Variants in TET1 observed in about 807,000 individuals in gnomAD.
TET1 encodes tet methylcytosine dioxygenase 1.
A neutral mutation model predicts 148.7 loss-of-function variants in TET1; 13 were observed. The observed-to-expected ratio is 0.09, with a 90% confidence interval of 0.06 to 0.14. The LOEUF is 0.14. Among genes scored for constraint, TET1 ranks in the 10% least tolerant of loss-of-function variants. TET1 has a pLI of 1.00. For missense variants in TET1, 2,182 were observed against 2,553.8 expected (o/e 0.85, Z 3.14); for synonymous variants, 907 against 937.2 (o/e 0.97, Z 0.59).
intron 2 of TET1, among the ~76,000 whole-genome samples, chr10:68,575,108 G>C (rs887828866): frequency 6.6e-6 from 1 of 152,230 alleles, no homozygotes; most frequent in Non-Finnish European, 1.5e-5. Context: ...TGTAGGCCTG[G>C]TGTGGTGGCT....
intron 3 of TET1, among the ~76,000 whole-genome samples, chr10:68,620,393 A>G (rs2054353232): frequency 6.6e-6 from 1 of 152,178 alleles, no homozygotes; most frequent in Non-Finnish European, 1.5e-5. Context: ...TATTCCAGAC[A>G]TTTCAAACAA....
rs369129716 is a variant in TET1 at position 68,609,099 on chromosome 10, G to A, written c.1968+8065G>A. Among the ~76,000 whole-genome samples the A allele has an allele frequency of 4.0e-4, 61 of 152,136 alleles. 1 individual carries two copies. In the East Asian group the frequency reaches 7.4e-3, roughly 18 times the overall value. Reference sequence around the variant, plus strand: ...TGCAGCCAAAACCTACTGGGCTCACGTGATCTTCCCACCTCAGTCTCCTGA... The same window carrying A: ...TGCAGCCAAAACCTACTGGGCTCACATGATCTTCCCACCTCAGTCTCCTGA... On this transcript the variant is annotated intron_variant, in intron 3 of 11. Coordinates refer to ENST00000373644, the MANE Select transcript of TET1 (RefSeq NM_030625.3).
intron 10 of TET1, among the ~76,000 whole-genome samples, chr10:68,683,387 TC>T (rs2055463557): frequency 2.6e-5 from 4 of 152,360 alleles, no homozygotes; most frequent in Admixed American, 2.6e-4. Flanking sequence ...CACGCCATTC[TC>T]CTGCCTTAGC....
intron 3 of TET1, chr10:68,632,848 A>G (rs1477983526): frequency 5.0e-6 from 4 of 793,114 alleles, no homozygotes; most frequent in Non-Finnish European, 7.9e-6. Flanking sequence ...AAAAAAAAAA[A>G]AAAAGAAAGA....
In TET1 at chr10:68,574,241, G is replaced by T. The variant is rs1416509462; in HGVS notation, c.1903G>T (p.Val635Leu). The T allele has an allele frequency of 3.7e-6, 6 of 1,611,564 alleles. No homozygotes were observed. The highest frequency in any genetic ancestry group is 4.2e-6 in the Non-Finnish European group (5 of 1,179,554). The change falls in exon 2 of 12, where the codon GTG (valine) becomes TTG (leucine). Residue 635 changes from valine to leucine, a missense_variant. This residue lies in a region of TET1 where 226 missense variants were observed against 307.4 expected (regional missense o/e 0.74). Coordinates refer to ENST00000373644, the MANE Select transcript of TET1 (RefSeq NM_030625.3). ...EELKKKPSVV[V>L]PLEVIKENKR... ...GCTGAAAAAGAAACCATCTGTTGTT[G>T]TGCCTCTGGAGGTAAGCAAACAGTC...
chr10:68,646,576 A>G lies in TET1; in HGVS notation c.3847A>G (p.Asn1283Asp). Residue 1283 changes from asparagine to aspartate, a missense_variant, in exon 4 of 12, where the codon AAT becomes GAT. Asn to Asp is a conservative substitution (Grantham distance 23, BLOSUM62 1). This residue lies in a region of TET1 where 582 missense variants were observed against 599.5 expected (regional missense o/e 0.97). Coordinates refer to ENST00000373644, the MANE Select transcript of TET1 (RefSeq NM_030625.3). ...NGKAFTDKAYNSQVQLTVNAN... is the reference protein window; with the variant it reads ...NGKAFTDKAYDSQVQLTVNAN... ...GAAGGCATTCACTGATAAAGCTTATAATTCTCAGGTACAGTTAACGGTGAA... is the reference window on the plus strand; with the variant it reads ...GAAGGCATTCACTGATAAAGCTTATGATTCTCAGGTACAGTTAACGGTGAA... The G allele has an allele frequency of 1.2e-6, 2 of 1,614,164 alleles. No individual in the cohort carries two copies. The highest frequency in any genetic ancestry group is 2.7e-5 in the African/African-American group (2 of 75,042).
At position 68,691,628 on chromosome 10, in the gene TET1, T is replaced by C; in HGVS notation, c.6225T>C (p.Asn2075=). The change falls in exon 12 of 12, where the codon AAT becomes AAC. Residue 2075 remains asparagine, a synonymous_variant. Transcript: ENST00000373644. This position sits in a 1 kb window ranked among gnomAD's most constrained non-coding sequence, Gnocchi z 4.4. ...KIKFEAKEAK[N]KKMKASEQKD... is the part of the protein sequence containing the mutation. Reference sequence around the variant, plus strand: ...AGTTTGAGGCTAAAGAAGCTAAGAATAAGAAAATGAAGGCCTCAGAGCAAA... The same window carrying C: ...AGTTTGAGGCTAAAGAAGCTAAGAACAAGAAAATGAAGGCCTCAGAGCAAA... 6.2e-7 allele frequency: 1 copy of C among 1,614,086 alleles called. No homozygotes were observed. Among genetic ancestry groups the C allele is most frequent in the Non-Finnish European group, 8.5e-7 (1 of 1,180,006 alleles).
intron 1 of TET1, among the ~76,000 whole-genome samples, chr10:68,570,718 C>T (rs2053659946): frequency 6.6e-6 from 1 of 151,726 alleles, no homozygotes; most frequent in East Asian, 1.9e-4. Context: ...CAAGCTCCGC[C>T]TCCCGGGTTC....
chr10:68,616,207 A>T (rs1050015270), intron 3 of TET1, among the ~76,000 whole-genome samples: 55 of 152,174 alleles, frequency 3.6e-4, no homozygotes, highest in African/African-American at 1.3e-3. Flanking sequence ...AGATGTCACC[A>T]ATTGTCCTAA....
rs910755585 is a variant in TET1 at position 68,635,837 on chromosome 10, A to G, written c.1969-8861A>G. ...CGAGACTCAGTCTCTACCAAAAACA[A>G]AACAACGAAGTGAAAATAAAGTAGA... On this transcript the variant is annotated intron_variant, in intron 3 of 11. Coordinates refer to ENST00000373644, the MANE Select transcript of TET1 (RefSeq NM_030625.3). 3.9e-5 allele frequency among the ~76,000 whole-genome samples: 6 copies of G among 152,192 alleles called. No homozygotes were observed. In the South Asian group the frequency reaches 8.3e-4, roughly 21 times the overall value.
intron 2 of TET1, among the ~76,000 whole-genome samples, chr10:68,595,981 TATACACACACACACACACAC>T: frequency 2.4e-5 from 1 of 40,838 alleles, no homozygotes; most frequent in South Asian, 7.9e-4. Flanking sequence ...CACACACATA[TATACACACACACACACACAC>T]ACACACACAC....
At chr10:68,683,420 A>AG (rs2055464507) in intron 10 of TET1, among the ~76,000 whole-genome samples, 1 of 152,150 alleles carries the variant, frequency 6.6e-6, no homozygotes, top group African/African-American at 2.4e-5. Flanking sequence ...CTGGGGCTAC[A>AG]GGCGCCCACG....
chr10:68,657,024 CAA>C (rs35763138), intron 6 of TET1, among the ~76,000 whole-genome samples: 15 of 118,778 alleles, frequency 1.3e-4, no homozygotes, highest in Admixed American at 2.7e-4. Flanking sequence ...AGTCTAGCTC[CAA>C]AAAAAAAAAA....
At position 68,693,729 on chromosome 10, in the gene TET1, T is replaced by C. The variant is rs759330764; in HGVS notation, c.*1915T>C. On this transcript the variant is annotated 3_prime_UTR_variant, in exon 12 of 12. Coordinates refer to ENST00000373644, the MANE Select transcript of TET1 (RefSeq NM_030625.3). ...ATATAAGTATATAAATAAGTGATTGTTTATTGCTTCAGCTGCTTCAACAAG... is the reference window on the plus strand; with the variant it reads ...ATATAAGTATATAAATAAGTGATTGCTTATTGCTTCAGCTGCTTCAACAAG... The C allele has an allele frequency of 3.9e-5, 9 of 231,548 alleles. No homozygotes were observed. Among genetic ancestry groups the C allele is most frequent in the Non-Finnish European group, 6.0e-5 (7 of 117,146 alleles). 14.3% of individuals were successfully genotyped at this position (231,548 alleles called of 1,614,324 possible). A position where few individuals can be genotyped will look rare whatever the true frequency, so the allele number is the denominator to read the frequency against.
chr10:68,586,453 C>A (rs2053861879), intron 2 of TET1, among the ~76,000 whole-genome samples: 1 of 149,768 alleles, frequency 6.7e-6, no homozygotes, highest in African/African-American at 2.5e-5. Context: ...GCTGGGATTG[C>A]AGGCGTGTGC....
chr10:68,637,893 C>T (rs2054678728), intron 3 of TET1, among the ~76,000 whole-genome samples: 1 of 151,822 alleles, frequency 6.6e-6, no homozygotes. Flanking sequence ...GATTCTAGTA[C>T]CTCAGCCTCC....
rs181782751 is a variant in TET1 at position 68,621,114 on chromosome 10, T to G, written c.1968+20080T>G. On this transcript the variant is annotated intron_variant, in intron 3 of 11. Coordinates refer to ENST00000373644, the MANE Select transcript of TET1 (RefSeq NM_030625.3). ...AATTTTGGTTGTGTTCAGTTTATCT[T>G]TTTCTTTGGGTAATTATGGTTTTGG... 1.5e-3 allele frequency among the ~76,000 whole-genome samples: 227 copies of G among 152,330 alleles called. 2 individuals are homozygous for G. Among genetic ancestry groups the G allele is most frequent in the Non-Finnish European group, 2.4e-3 (165 of 68,032 alleles).
At chr10:68,637,202 T>G (rs1485313639) in intron 3 of TET1, among the ~76,000 whole-genome samples, 1 of 152,118 alleles carries the variant, frequency 6.6e-6, no homozygotes, top group Non-Finnish European at 1.5e-5. Context: ...TTTCACTGTG[T>G]TGGTCAGGCT....
intron 3 of TET1, chr10:68,632,453 C>G: frequency 6.2e-7 from 1 of 1,612,402 alleles, no homozygotes; most frequent in East Asian, 2.2e-5. Context: ...GAAAATACTC[C>G]CTGCGCCCGG....
Sources: allele counts gnomAD v4.1 joint callset (sites outside exome capture counted in the v4.1 genomes callset), GRCh38; gene constraint gnomAD v4.1.1; regional missense constraint gnomAD v4.1.1; non-coding constraint Gnocchi (gnomAD v3.1); transcripts MANE v1.5; gene names NCBI Gene and HGNC (gene_info 2026-07-23, HGNC 2026-07-21).